Variants in CDH18 observed in about 807,000 individuals in gnomAD.
The protein encoded by CDH18 is cadherin-18.
Under a neutral mutation model 67.9 loss-of-function variants are expected in CDH18, and 31 were observed. The observed-to-expected ratio is 0.46, with a 90% CI of 0.34 to 0.62. CDH18 has a LOEUF of 0.62. CDH18 is among the 20% of genes least tolerant of loss of function. The pLI, the probability that CDH18 is intolerant of heterozygous loss-of-function variation, is 0.01. For synonymous variants in CDH18, 362 were observed against 347.2 expected, an observed-to-expected ratio of 1.04 and a Z score of -0.48; for missense variants, 890 against 975.5, an observed-to-expected ratio of 0.91 and a Z score of 1.17.
intron 2 of CDH18, among the ~76,000 whole-genome samples, chr5:20,071,020 A>G (rs2150525087): frequency 6.6e-6 from 1 of 152,282 alleles, no homozygotes; most frequent in South Asian, 2.1e-4. Context: ...TTCTTCTAGA[A>G]GATAAATGTG....
At chr5:19,604,632 A>G (rs1747740177) in intron 6 of CDH18, among the ~76,000 whole-genome samples, 1 of 151,800 alleles carries the variant, frequency 6.6e-6, no homozygotes, top group Non-Finnish European at 1.5e-5. Context: ...ATTGATTATT[A>G]AGCATTGTGG....
At chr5:20,181,217 ATT>A (rs1737663846) in intron 2 of CDH18, among the ~76,000 whole-genome samples, 1 of 152,130 alleles carries the variant, frequency 6.6e-6, no homozygotes, top group Non-Finnish European at 1.5e-5. Flanking sequence ...CTCCTCCCAT[ATT>A]TTTGGGGGCT....
At chr5:19,951,883 T>TAAATACAAA (rs1795824969) in intron 2 of CDH18, among the ~76,000 whole-genome samples, 1 of 152,162 alleles carries the variant, frequency 6.6e-6, no homozygotes, top group African/African-American at 2.4e-5. Context: ...ATATCAAATC[T>TAAATACAAA]GTTACATTCT....
intron 2 of CDH18, among the ~76,000 whole-genome samples, chr5:20,010,603 C>T (rs1489272404): frequency 6.6e-6 from 1 of 152,108 alleles, no homozygotes; most frequent in Non-Finnish European, 1.5e-5. Flanking sequence ...ATCCAATGAG[C>T]ATTTTCTAAT....
At chr5:19,802,008 G>A (rs1009718075) in intron 3 of CDH18, among the ~76,000 whole-genome samples, 5 of 151,844 alleles carry the variant, frequency 3.3e-5, no homozygotes. Flanking sequence ...ACTAATAACA[G>A]GGTTCAAAGA....
chr5:20,221,613 G>T (rs1741232396), intron 2 of CDH18, among the ~76,000 whole-genome samples: 1 of 151,946 alleles, frequency 6.6e-6, no homozygotes, highest in African/African-American at 2.4e-5. Flanking sequence ...AACTAAAAGA[G>T]AATATTTGGA....
chr5:20,465,402 G>T (rs1012779428), intron 1 of CDH18, among the ~76,000 whole-genome samples: 2 of 151,926 alleles, frequency 1.3e-5, no homozygotes, highest in Non-Finnish European at 2.9e-5. Flanking sequence ...CCTTCCAGAA[G>T]ACTAAATATT....
chr5:20,115,509 T>A (rs1438057117), intron 2 of CDH18, among the ~76,000 whole-genome samples: 1 of 151,766 alleles, frequency 6.6e-6, no homozygotes, highest in African/African-American at 2.4e-5. Context: ...GATTTCTTGA[T>A]CTCATGATCC....
chr5:19,781,332 A>G (rs72740819), intron 3 of CDH18, among the ~76,000 whole-genome samples: 9,469 of 151,980 alleles, frequency 0.062, 340 homozygotes, highest in Non-Finnish European at 0.081. Flanking sequence ...GAAAAAAAAC[A>G]CTCATTTAAA....
intron 5 of CDH18, among the ~76,000 whole-genome samples, chr5:19,620,678 T>C (rs1750556884): frequency 6.6e-6 from 1 of 152,152 alleles, no homozygotes; most frequent in Non-Finnish European, 1.5e-5. Context: ...ACTAAAGATG[T>C]TTCAAACTTA....
intron 2 of CDH18, among the ~76,000 whole-genome samples, chr5:20,160,276 A>G (rs1751874043): frequency 6.6e-6 from 1 of 152,242 alleles, no homozygotes; most frequent in African/African-American, 2.4e-5. Context: ...TGCCAATGAT[A>G]TAGCATTATA....
chr5:20,480,425 G>C (rs1752713337), intron 1 of CDH18, among the ~76,000 whole-genome samples: 1 of 151,884 alleles, frequency 6.6e-6, no homozygotes, highest in African/African-American at 2.4e-5. Context: ...TTTTGTTTTT[G>C]TTTTTGTTTT....
chr5:19,741,205 T>C (rs1769094801), intron 4 of CDH18, among the ~76,000 whole-genome samples: 1 of 148,374 alleles, frequency 6.7e-6, no homozygotes, highest in Non-Finnish European at 1.5e-5. Flanking sequence ...TATGTATATA[T>C]GTCATATATG....
intron 1 of CDH18, among the ~76,000 whole-genome samples, chr5:20,289,395 T>G (rs1746936151): frequency 6.6e-6 from 1 of 152,044 alleles, no homozygotes; most frequent in South Asian, 2.1e-4. Context: ...GCTTTATTCC[T>G]CATACCTACA....
chr5:19,789,004 G>A (rs1040996435), intron 3 of CDH18, among the ~76,000 whole-genome samples: 2 of 152,168 alleles, frequency 1.3e-5, no homozygotes, highest in Non-Finnish European at 2.9e-5. Flanking sequence ...TGAGGGAAGA[G>A]CCGCCTATAC....
intron 1 of CDH18, among the ~76,000 whole-genome samples, chr5:20,386,417 G>T (rs1356075599): frequency 6.6e-6 from 1 of 152,082 alleles, no homozygotes; most frequent in Non-Finnish European, 1.5e-5. Context: ...AATAAGCATG[G>T]TCTTTTGCAT....
intron 1 of CDH18, among the ~76,000 whole-genome samples, chr5:20,396,497 C>A (rs1029855492): frequency 5.3e-5 from 8 of 151,116 alleles, no homozygotes; most frequent in African/African-American, 1.9e-4. Flanking sequence ...AATGAAGCTA[C>A]TACTTACAAA....
rs1379111668 is a variant in CDH18 at position 19,549,750 on chromosome 5, AAAAGAAAGAAAGAAAAAG to A, written c.1254-5763_1254-5746del. 3.7e-5 allele frequency among the ~76,000 whole-genome samples: 5 copies of A among 135,128 alleles called. No individual in the cohort carries two copies. The South Asian group carries it at 6.7e-4, about 18-fold the overall frequency. 88.6% of individuals were successfully genotyped at this position (135,128 alleles called of 152,430 possible). ...GGAAGAAAGAGAAAGAGAGAAAAGA[AAAAGAAAGAAAGAAAAAG>A]AAAGAAAGAAAGGAAGAAAGAAAGG... On this transcript the variant is annotated intron_variant, in intron 8 of 12. Transcript: ENST00000382275.
chr5:20,327,523 G>A (rs904787957), intron 1 of CDH18, among the ~76,000 whole-genome samples: 12 of 151,748 alleles, frequency 7.9e-5, no homozygotes, highest in African/African-American at 2.7e-4. Context: ...ACAAAAGCCC[G>A]TTTGGAAAAA....
Sources: allele counts gnomAD v4.1 joint callset (sites outside exome capture counted in the v4.1 genomes callset), GRCh38; gene constraint gnomAD v4.1.1; transcripts MANE v1.5; gene names NCBI Gene and HGNC (gene_info 2026-07-23, HGNC 2026-07-21).